Variants in PPARGC1A observed in about 807,000 individuals in gnomAD.
PPARGC1A encodes the protein PPARG coactivator 1 alpha, also known as peroxisome proliferator-activated receptor gamma coactivator 1-alpha.
PPARGC1A carries 25 observed loss-of-function variants against 88.7 expected under a neutral mutation model. The observed-to-expected ratio is 0.28, with a 90% CI of 0.21 to 0.39. PPARGC1A has a LOEUF of 0.39. Ranked by LOEUF, PPARGC1A falls within the 10% of genes least tolerant of loss-of-function variation. The probability of loss-of-function intolerance (pLI) is 1.00; values close to 1 mark genes in which losing one functional copy is unlikely to be tolerated. For missense variants in PPARGC1A, 880 were observed against 968.7 expected (o/e 0.91, Z 1.22); for synonymous variants, 363 against 355.6 (o/e 1.02, Z -0.24).
At chr4:23,964,470 A>T in the PPARGC1A span, among the ~76,000 whole-genome samples, 56,747 of 152,086 alleles carry the variant, frequency 0.37, 11,266 homozygotes, top group Non-Finnish European at 0.46. Context: ...AATCCATGGT[A>T]TTTCTCACTG....
the PPARGC1A span, among the ~76,000 whole-genome samples, chr4:23,961,500 GACA>G: frequency 2.6e-5 from 4 of 152,140 alleles, no homozygotes; most frequent in Admixed American, 2.6e-4. Context: ...TATAAACAGT[GACA>G]ACATGTGTGG....
At chr4:24,372,285 T>C in the PPARGC1A span, among the ~76,000 whole-genome samples, 1 of 152,206 alleles carries the variant, frequency 6.6e-6, no homozygotes, top group Admixed American at 6.5e-5. Flanking sequence ...GTTCTCAAAG[T>C]TGGTTCCACG....
At chr4:24,446,067 AAAAAATAAAAAT>A in the PPARGC1A span, among the ~76,000 whole-genome samples, 1 of 152,186 alleles carries the variant, frequency 6.6e-6, no homozygotes, top group Admixed American at 6.5e-5. Flanking sequence ...CTCTGTCTCA[AAAAAATAAAAAT>A]AAAAATAAAA....
chr4:24,162,897 ACTTC>A, the PPARGC1A span, among the ~76,000 whole-genome samples: 4 of 151,762 alleles, frequency 2.6e-5, no homozygotes, highest in African/African-American at 9.7e-5. Flanking sequence ...CCTGGCCCTT[ACTTC>A]CTTCTTATTG....
the PPARGC1A span, among the ~76,000 whole-genome samples, chr4:24,396,232 CT>C: frequency 6.6e-6 from 1 of 152,108 alleles, no homozygotes; most frequent in African/African-American, 2.4e-5. Flanking sequence ...AGTCCAAACC[CT>C]TAGAGCAAGT....
At chr4:24,431,204 C>T in the PPARGC1A span, among the ~76,000 whole-genome samples, 1 of 150,806 alleles carries the variant, frequency 6.6e-6, no homozygotes, top group Admixed American at 6.6e-5. Flanking sequence ...CATTAAGTCA[C>T]AGAATTGACT....
chr4:23,890,878 T>C (rs1717759963), upstream of PPARGC1A, among the ~76,000 whole-genome samples: 3 of 152,124 alleles, frequency 2.0e-5, no homozygotes, highest in South Asian at 6.2e-4. Flanking sequence ...TCTGCTCAGA[T>C]CAGCTTTGAT....
At chr4:24,400,771 G>C in the PPARGC1A span, among the ~76,000 whole-genome samples, 1 of 152,148 alleles carries the variant, frequency 6.6e-6, no homozygotes, top group Admixed American at 6.6e-5. Context: ...AAGACTGTCA[G>C]GATGATGGTG....
the PPARGC1A span, among the ~76,000 whole-genome samples, chr4:24,279,680 G>A: frequency 2.6e-5 from 4 of 152,172 alleles, no homozygotes; most frequent in Admixed American, 1.3e-4. Context: ...ACTGACACAC[G>A]CGGCACCCTC....
chr4:23,951,622 G>A, the PPARGC1A span, among the ~76,000 whole-genome samples: 2 of 152,060 alleles, frequency 1.3e-5, no homozygotes, highest in African/African-American at 4.8e-5. Flanking sequence ...TGAATGTCAG[G>A]GATGAGAGTC....
chr4:24,015,647 G>T, the PPARGC1A span, among the ~76,000 whole-genome samples: 2 of 152,132 alleles, frequency 1.3e-5, no homozygotes, highest in African/African-American at 4.8e-5. Flanking sequence ...GTGCGTGTGT[G>T]TGAGTGTAAT....
intron 2 of PPARGC1A, among the ~76,000 whole-genome samples, chr4:23,843,321 AC>A (rs1727401257): frequency 1.3e-5 from 2 of 151,978 alleles, no homozygotes; most frequent in South Asian, 4.1e-4. Context: ...CAAAATACAG[AC>A]TCCAAAGTTA....
chr4:24,159,775 T>A, the PPARGC1A span, among the ~76,000 whole-genome samples: 8,477 of 152,246 alleles, frequency 0.056, 668 homozygotes, highest in African/African-American at 0.17. Context: ...TGATTCCATG[T>A]TTTATATAAA....
the PPARGC1A span, among the ~76,000 whole-genome samples, chr4:24,312,025 A>G: frequency 2.6e-5 from 4 of 152,190 alleles, no homozygotes; most frequent in Non-Finnish European, 4.4e-5. Flanking sequence ...ATCCCTTTGC[A>G]TCCTTCACTC....
At chr4:24,090,014 T>A in the PPARGC1A span, among the ~76,000 whole-genome samples, 2 of 152,182 alleles carry the variant, frequency 1.3e-5, no homozygotes, top group African/African-American at 2.4e-5. Context: ...ACACATGCAT[T>A]TTTACATAAA....
At chr4:24,335,598 T>C in the PPARGC1A span, among the ~76,000 whole-genome samples, 1 of 152,096 alleles carries the variant, frequency 6.6e-6, no homozygotes, top group Non-Finnish European at 1.5e-5. Flanking sequence ...CCCCGAAAAG[T>C]TTCAGTATAA....
chr4:24,438,718 T>C, the PPARGC1A span, among the ~76,000 whole-genome samples: 1 of 152,140 alleles, frequency 6.6e-6, no homozygotes, highest in Non-Finnish European at 1.5e-5. Context: ...CAGAATGCCT[T>C]TGAGCAGTTA....
At chr4:23,879,444 C>A (rs1715479544) in intron 2 of PPARGC1A, among the ~76,000 whole-genome samples, 1 of 152,192 alleles carries the variant, frequency 6.6e-6, no homozygotes, top group South Asian at 2.1e-4. Context: ...TAGGAAAGTA[C>A]TTCAGCTCCT....
chr4:24,077,361 A>G, the PPARGC1A span, among the ~76,000 whole-genome samples: 26 of 152,102 alleles, frequency 1.7e-4, no homozygotes, highest in African/African-American at 5.6e-4. Flanking sequence ...AATTTGATCA[A>G]GTTTACATTC....
Sources: gnomAD v4.1 joint callset for allele counts (sites outside exome capture counted in the v4.1 genomes callset) on GRCh38, gnomAD v4.1.1 for gene constraint, MANE v1.5 for transcripts, NCBI Gene and HGNC (gene_info 2026-07-23, HGNC 2026-07-21) for gene names.